Variants in GNG4 observed in about 807,000 individuals in gnomAD.
The protein encoded by GNG4 is G protein subunit gamma 4.
A neutral mutation model predicts 5.8 loss-of-function variants in GNG4; 4 were observed. That is an observed-to-expected ratio of 0.69 (90% CI 0.34 to 1.57). GNG4 has a LOEUF of 1.57. GNG4 is among the 40% of genes most tolerant of loss of function. GNG4 has a pLI of 0.06. For missense variants in GNG4, 96 were observed against 95.1 expected (o/e 1.01, Z -0.04); for synonymous variants, 29 against 32.9 (o/e 0.88, Z 0.41).
At chr1:235,557,237 TTTG>T (rs756415027) in intron 3 of GNG4, among the ~76,000 whole-genome samples, 176 of 152,156 alleles carry the variant, frequency 1.2e-3, no homozygotes, top group Non-Finnish European at 2.1e-3. Context: ...CAGCAGCTGC[TTTG>T]TTAATTGACA....
rs930425530 is a variant in GNG4 at position 235,616,195 on chromosome 1, C to G, written c.-122-20684G>C. On this transcript the variant is annotated intron_variant, in intron 1 of 3. Coordinates refer to ENST00000391854, the MANE Select transcript of GNG4 (RefSeq NM_001098722.2). ...TCCTGGCCAGCAGCCACTTCTCTGC[C>G]AACTGAATTTTTGTGCTGGTTGGAG... is the stretch of plus-strand genomic sequence containing the variant. The G allele has an allele frequency of 9.6e-6, 5 of 523,330 alleles. No homozygotes were observed. In the African/African-American group the frequency reaches 9.6e-5, roughly 10 times the overall value. The allele number at this position is 523,330 out of a possible 1,614,324, so 32.4% of individuals were successfully genotyped here.
At chr1:235,579,578 TGGTGGCTCAGGCCTGTA>T (rs1687573874) in intron 3 of GNG4, among the ~76,000 whole-genome samples, 1 of 151,926 alleles carries the variant, frequency 6.6e-6, no homozygotes, top group South Asian at 2.1e-4. Flanking sequence ...AGGCCGGGCA[TGGTGGCTCAGGCCTGTA>T]ATCCCAGCAC....
intron 3 of GNG4, among the ~76,000 whole-genome samples, chr1:235,568,703 G>A (rs1687263680): frequency 6.6e-6 from 1 of 151,852 alleles, no homozygotes; most frequent in African/African-American, 2.4e-5. Context: ...TGTGGGTGAG[G>A]CACTGTAGTG....
At chr1:235,553,540 T>C (rs1380853065) in intron 3 of GNG4, among the ~76,000 whole-genome samples, 3 of 152,118 alleles carry the variant, frequency 2.0e-5, no homozygotes, top group Non-Finnish European at 4.4e-5. Context: ...CCCTTCTGGG[T>C]TTTAAAAATT....
intron 1 of GNG4, among the ~76,000 whole-genome samples, chr1:235,621,802 G>A (rs1174051297): frequency 6.6e-6 from 1 of 151,780 alleles, no homozygotes; most frequent in African/African-American, 2.4e-5. Context: ...TCAGCCTCCT[G>A]AATAGCTGGG....
intron 1 of GNG4, among the ~76,000 whole-genome samples, chr1:235,624,378 T>C (rs1388700422): frequency 6.6e-6 from 1 of 151,958 alleles, no homozygotes; most frequent in African/African-American, 2.4e-5. Context: ...TCCCAAAGTG[T>C]TGAGATTGCA....
chr1:235,572,696 C>T (rs183447459), intron 3 of GNG4, among the ~76,000 whole-genome samples: 21 of 151,650 alleles, frequency 1.4e-4, no homozygotes, highest in Non-Finnish European at 2.1e-4. Flanking sequence ...GACAGGGTTT[C>T]GCCATGTTTC....
intron 3 of GNG4, among the ~76,000 whole-genome samples, chr1:235,570,452 A>C (rs1362743669): frequency 1.4e-5 from 2 of 139,616 alleles, no homozygotes; most frequent in African/African-American, 5.5e-5. Flanking sequence ...GCTAGAGTGC[A>C]ATGGCATGAC....
intron 3 of GNG4, among the ~76,000 whole-genome samples, chr1:235,576,714 T>C (rs1329019265): frequency 2.0e-5 from 3 of 152,076 alleles, no homozygotes; most frequent in East Asian, 3.9e-4. Context: ...GGGGTGGTAA[T>C]TTGGGAGAAG....
intron 1 of GNG4, among the ~76,000 whole-genome samples, chr1:235,621,297 CT>C (rs1220366662): frequency 9.9e-4 from 71 of 71,918 alleles, no homozygotes; most frequent in East Asian, 1.3e-3. Context: ...CTTTTCTTTT[CT>C]TTTTTTTTTT....
At chr1:235,647,562 G>C (rs975129362) in intron 1 of GNG4, among the ~76,000 whole-genome samples, 2 of 152,170 alleles carry the variant, frequency 1.3e-5, no homozygotes, top group African/African-American at 4.8e-5. Flanking sequence ...GTAGGTCTTG[G>C]GGGAAGGAGC....
intron 1 of GNG4, among the ~76,000 whole-genome samples, chr1:235,612,260 G>A (rs1047405463): frequency 6.6e-6 from 1 of 152,148 alleles, no homozygotes; most frequent in Non-Finnish European, 1.5e-5. Flanking sequence ...TCAGAAGGAT[G>A]GGGACAGAGG....
chr1:235,643,091 C>A (rs538828135), intron 1 of GNG4, among the ~76,000 whole-genome samples: 1 of 152,300 alleles, frequency 6.6e-6, no homozygotes, highest in Non-Finnish European at 1.5e-5. Context: ...TCCTGCCCCA[C>A]GCCTCCGACC....
intron 1 of GNG4, among the ~76,000 whole-genome samples, chr1:235,603,255 T>C (rs1688292688): frequency 9.1e-6 from 1 of 109,820 alleles, no homozygotes; most frequent in African/African-American, 3.6e-5. Context: ...ATAATGATAA[T>C]AATAATTAAT....
intron 2 of GNG4, among the ~76,000 whole-genome samples, chr1:235,586,911 C>A (rs1440701451): frequency 6.6e-6 from 1 of 152,184 alleles, no homozygotes; most frequent in Non-Finnish European, 1.5e-5. Flanking sequence ...CTACTACAGA[C>A]CCTACAGTGA....
chr1:235,619,004 T>C (rs1000753118), intron 1 of GNG4, among the ~76,000 whole-genome samples: 2 of 150,468 alleles, frequency 1.3e-5, no homozygotes, highest in Non-Finnish European at 3.0e-5. Context: ...TCTTAGTCAT[T>C]AAAGGCAGCA....
At chr1:235,569,584 C>T (rs886339157) in intron 3 of GNG4, among the ~76,000 whole-genome samples, 1 of 151,552 alleles carries the variant, frequency 6.6e-6, no homozygotes, top group Admixed American at 6.6e-5. Flanking sequence ...GGCTGGAGTG[C>T]AATGGCACGA....
chr1:235,596,184 A>G (rs3001660), intron 1 of GNG4, among the ~76,000 whole-genome samples: 87,283 of 148,696 alleles, frequency 0.59, 26,041 homozygotes, highest in East Asian at 0.8. Flanking sequence ...AAAAACAAAA[A>G]CAAAACAAAA....
chr1:235,612,465 C>T (rs371962143), intron 1 of GNG4, among the ~76,000 whole-genome samples: 42 of 152,220 alleles, frequency 2.8e-4, no homozygotes, highest in East Asian at 1.9e-3. Context: ...ATCTCGGGGA[C>T]GTGACTTTCA....
Sources: gnomAD v4.1 joint callset for allele counts (sites outside exome capture counted in the v4.1 genomes callset) on GRCh38, gnomAD v4.1.1 for gene constraint, MANE v1.5 for transcripts, NCBI Gene and HGNC (gene_info 2026-07-23, HGNC 2026-07-21) for gene names.